The following PALM2AKAP2 variants were observed in gnomAD, a reference collection of about 807,000 sequenced individuals.
The protein encoded by PALM2AKAP2 is PALM2-AKAP2 fusion protein.
Under a neutral mutation model 71.5 loss-of-function variants are expected in PALM2AKAP2, and 37 were observed. The ratio of observed to expected loss-of-function variants is 0.52; its 90% confidence interval spans 0.40 to 0.68. PALM2AKAP2 has a LOEUF of 0.68. Ranked by LOEUF, PALM2AKAP2 falls within the 30% of genes least tolerant of loss-of-function variation. The pLI, the probability that PALM2AKAP2 is intolerant of heterozygous loss-of-function variation, is 0.00. For synonymous variants in PALM2AKAP2, 468 were observed against 478.8 expected (o/e 0.98, Z 0.29); for missense variants, 1,224 against 1,191.8 (o/e 1.03, Z -0.40).
intron 1 of PALM2AKAP2, among the ~76,000 whole-genome samples, chr9:109,856,154 G>A (rs1375443837): frequency 6.6e-6 from 1 of 152,176 alleles, no homozygotes; most frequent in Non-Finnish European, 1.5e-5. Flanking sequence ...AGTTTTATGT[G>A]TTCAAATCCT....
chr9:109,932,377 A>T (rs1831126093), intron 6 of PALM2AKAP2, among the ~76,000 whole-genome samples: 1 of 152,242 alleles, frequency 6.6e-6, no homozygotes, highest in South Asian at 2.1e-4. Context: ...ATACAAATTG[A>T]GAGAGCCATC....
chr9:110,003,334 A>G (rs1056912876), intron 6 of PALM2AKAP2, among the ~76,000 whole-genome samples: 4 of 151,996 alleles, frequency 2.6e-5, no homozygotes, highest in African/African-American at 9.7e-5. Context: ...CCATGTTGTT[A>G]TGCGGTTTTG....
At chr9:109,810,833 G>A (rs183208081) in intron 1 of PALM2AKAP2, among the ~76,000 whole-genome samples, 2 of 152,280 alleles carry the variant, frequency 1.3e-5, no homozygotes, top group East Asian at 3.9e-4. Context: ...GGCATCGAGT[G>A]CACAAATAGA....
intron 1 of PALM2AKAP2, among the ~76,000 whole-genome samples, chr9:109,734,517 G>A (rs769463061): frequency 1.3e-5 from 2 of 152,134 alleles, no homozygotes; most frequent in Non-Finnish European, 2.9e-5. Flanking sequence ...CTACCACATT[G>A]ATGTAATAGA....
At chr9:110,008,151 C>T (rs1832817947) in intron 6 of PALM2AKAP2, among the ~76,000 whole-genome samples, 2 of 152,180 alleles carry the variant, frequency 1.3e-5, no homozygotes, top group African/African-American at 4.8e-5. Context: ...GTTCTGGTTT[C>T]TGTGACTACC....
At chr9:110,164,078 A>G (rs912983863) in intron 3 of PALM2AKAP2, among the ~76,000 whole-genome samples, 3 of 152,218 alleles carry the variant, frequency 2.0e-5, no homozygotes, top group African/African-American at 7.2e-5. Flanking sequence ...CTTTCATAAG[A>G]TATCAAATGA....
intron 6 of PALM2AKAP2, among the ~76,000 whole-genome samples, chr9:109,955,258 T>A (rs1168888872): frequency 6.6e-6 from 1 of 152,192 alleles, no homozygotes; most frequent in Admixed American, 6.5e-5. Flanking sequence ...GATTCAAATC[T>A]TCTAAGGGCA....
intron 3 of PALM2AKAP2, among the ~76,000 whole-genome samples, chr9:109,913,481 G>A (rs1240636830): frequency 6.6e-6 from 1 of 152,110 alleles, no homozygotes; most frequent in Non-Finnish European, 1.5e-5. Context: ...TAGAAGGGGG[G>A]CAAAGCACAG....
intron 1 of PALM2AKAP2, among the ~76,000 whole-genome samples, chr9:109,673,553 T>G (rs1827606349): frequency 6.6e-6 from 1 of 152,142 alleles, no homozygotes; most frequent in African/African-American, 2.4e-5. Context: ...CACGTGGCAA[T>G]GAGAGGAATA....
chr9:109,755,391 G>A (rs1180935314), intron 1 of PALM2AKAP2, among the ~76,000 whole-genome samples: 1 of 152,168 alleles, frequency 6.6e-6, no homozygotes, highest in African/African-American at 2.4e-5. Context: ...GTGTCCAGCT[G>A]GTTACCATCC....
chr9:109,825,088 C>A (rs2131509007), intron 1 of PALM2AKAP2, among the ~76,000 whole-genome samples: 2 of 152,244 alleles, frequency 1.3e-5, no homozygotes, highest in South Asian at 2.1e-4. Flanking sequence ...AGACACCTTG[C>A]AAAACTAGCA....
chr9:110,125,664 T>C, intron 1 of PALM2AKAP2: 1 of 923,906 alleles, frequency 1.1e-6, no homozygotes, highest in Non-Finnish European at 1.3e-6. Flanking sequence ...GGGGTCTTTT[T>C]TTGAGGCCAG....
intron 1 of PALM2AKAP2, among the ~76,000 whole-genome samples, chr9:109,846,174 C>T (rs1055789296): frequency 2.0e-5 from 3 of 151,152 alleles, no homozygotes; most frequent in African/African-American, 7.3e-5. Context: ...TTCTCTGTCC[C>T]CCGAGTTCTT....
At chr9:110,147,106 C>G (rs769843894) in intron 2 of PALM2AKAP2, among the ~76,000 whole-genome samples, 2 of 151,884 alleles carry the variant, frequency 1.3e-5, no homozygotes, top group African/African-American at 4.8e-5. Context: ...TAAAAATGAG[C>G]CAGGCGTGGT....
At chr9:110,036,548 G>A (rs994345394) in intron 7 of PALM2AKAP2, among the ~76,000 whole-genome samples, 1 of 151,822 alleles carries the variant, frequency 6.6e-6, no homozygotes, top group Non-Finnish European at 1.5e-5. Flanking sequence ...GTGCTCTCCC[G>A]GCCACTCCTT....
chr9:109,983,175 C>T (rs922696019), intron 6 of PALM2AKAP2, among the ~76,000 whole-genome samples: 9 of 152,284 alleles, frequency 5.9e-5, no homozygotes, highest in Middle Eastern at 3.4e-3. Flanking sequence ...TTCAGGATAG[C>T]GGACTCACAT....
intron 6 of PALM2AKAP2, among the ~76,000 whole-genome samples, chr9:109,953,834 C>CAAA (rs34719180): frequency 4.7e-4 from 23 of 48,572 alleles, no homozygotes; most frequent in East Asian, 1.1e-3. Flanking sequence ...GACTCCATCT[C>CAAA]AAAAAAAAAA....
At chr9:110,079,008 C>T (rs1588094749) in intron 1 of PALM2AKAP2, among the ~76,000 whole-genome samples, 1 of 152,208 alleles carries the variant, frequency 6.6e-6, no homozygotes, top group Non-Finnish European at 1.5e-5. Context: ...GGCCGTTCAA[C>T]CTTGGCTGAA....
chr9:110,017,313 A>G (rs1832999606), intron 7 of PALM2AKAP2, among the ~76,000 whole-genome samples: 1 of 152,256 alleles, frequency 6.6e-6, no homozygotes, highest in Admixed American at 6.5e-5. Flanking sequence ...AGCAAATGTT[A>G]CCATAGTAAA....
Sources: gnomAD v4.1 joint callset for allele counts (sites outside exome capture counted in the v4.1 genomes callset) on GRCh38, gnomAD v4.1.1 for gene constraint, MANE v1.5 for transcripts, NCBI Gene and HGNC (gene_info 2026-07-23, HGNC 2026-07-21) for gene names.